The following RP9 variants were observed in gnomAD, a reference collection of about 807,000 sequenced individuals.
RP9 encodes RP9 pre-mRNA splicing factor.
RP9 carries 23 observed loss-of-function variants against 32.6 expected under a neutral mutation model. The ratio of observed to expected loss-of-function variants is 0.71; its 90% CI spans 0.51 to 1.00. RP9 has a LOEUF of 1.00. RP9 is among the 50% of genes least tolerant of loss of function. The pLI is 0.00. For missense variants in RP9, 245 were observed against 285.3 expected, an observed-to-expected ratio of 0.86 and a Z score of 1.02; for synonymous variants, 94 against 103.6, an observed-to-expected ratio of 0.91 and a Z score of 0.56.
At chr7:33,100,473 T>C in intron 2 of RP9, 58 bp downstream of exon 2, 1 of 1,369,584 alleles carries the variant, frequency 7.3e-7, no homozygotes, top group South Asian at 1.2e-5. Context: ...TCATAACAAG[T>C]TACTGAGTCT....
chr7:33,098,640 C>T (rs186926756), intron 3 of RP9, among the ~76,000 whole-genome samples: 3 of 152,232 alleles, frequency 2.0e-5, no homozygotes, highest in East Asian at 1.9e-4. Context: ...GAAGAAAAAC[C>T]GATAGATACT....
chr7:33,097,404 C>T lies in RP9; in HGVS notation c.314-42G>A, dbSNP rs143749608. The T allele has an allele frequency of 3.6e-4, 496 of 1,377,726 alleles. 3 individuals carry two copies. In the African/African-American group the frequency reaches 5.9e-3, roughly 16 times the overall value. 85.3% of individuals were successfully genotyped at this position (1,377,726 alleles called of 1,614,324 possible). On this transcript the variant is annotated intron_variant, in intron 3 of 5. Coordinates refer to ENST00000297157, the MANE Select transcript of RP9 (RefSeq NM_203288.2). Reference sequence around the variant, plus strand: ...AAATATTTCTGTAAGATAACAGTTTCACCTACTCAAGATAAAGAATCAGCA... The same window carrying T: ...AAATATTTCTGTAAGATAACAGTTTTACCTACTCAAGATAAAGAATCAGCA...
Position 33,095,386 on chromosome 7 carries a change from C to G in RP9, c.514G>C (p.Asp172His). Residue 172 changes from aspartate to histidine, a missense_variant, in exon 6 of 6, where the codon GAT becomes CAT. By Grantham distance (81) the Asp-to-His change is moderately conservative. Transcript: ENST00000297157. ...QLLEDSTSDE[D>H]RSSSSSSEGK... ...TCAGAGGAACTGGAGCTGCTCCTAT[C>G]TTCATCTGAGGTAGAATCCTCCAGT... 6.2e-7 allele frequency: 1 copy of G among 1,613,868 alleles called. No homozygotes were observed. Among genetic ancestry groups the G allele is most frequent in the Admixed American group, 1.7e-5 (1 of 60,006 alleles).
chr7:33,102,032 C>T (rs902004298), intron 1 of RP9, among the ~76,000 whole-genome samples: 1 of 152,002 alleles, frequency 6.6e-6, no homozygotes, highest in African/African-American at 2.4e-5. Context: ...GAATTGAGAT[C>T]CAAATTCTCA....
At chr7:33,096,808 C>G (rs1788342576) in intron 4 of RP9, among the ~76,000 whole-genome samples, 1 of 138,678 alleles carries the variant, frequency 7.2e-6, no homozygotes, top group Non-Finnish European at 1.5e-5. Flanking sequence ...CAGGAGCAAT[C>G]ACAGAGCTAT....
chr7:33,095,559 T>C (rs893419896), intron 5 of RP9, 127 bp from the exon 6 acceptor site: 23 of 1,483,358 alleles, frequency 1.6e-5, no homozygotes, highest in Middle Eastern at 2.4e-4. Flanking sequence ...ACAGTATTTT[T>C]ATTTTTACCT....
chr7:33,108,503 TC>T (rs1380227767), intron 1 of RP9, among the ~76,000 whole-genome samples: 1 of 152,246 alleles, frequency 6.6e-6, no homozygotes, highest in Non-Finnish European at 1.5e-5. Flanking sequence ...CTGCTTTTTT[TC>T]CTTTTGTTCT....
rs1434357161 is a variant in RP9 at position 33,097,350 on chromosome 7, T to G, written c.326A>C (p.Lys109Thr). Residue 109 changes from lysine (K) to threonine (T), a missense_variant, in exon 4 of 6, where the codon AAA becomes ACA. Lys to Thr is a moderately conservative substitution (Grantham distance 78). Around this residue, in one of 2 missense-constraint regions of RP9, gnomAD observed 182 missense variants for 175.5 expected, o/e 1.04. Transcript: ENST00000297157. Reference protein sequence around the residue: ...EVKVMQCWRCKRYGHRTGDKE... With the variant: ...EVKVMQCWRCTRYGHRTGDKE... Reference sequence around the variant, plus strand: ...GTCACCCGTTCGGTGACCATAGCGTTTGCAACGCCAACCTAAAAACGAAAA... The same window carrying G: ...GTCACCCGTTCGGTGACCATAGCGTGTGCAACGCCAACCTAAAAACGAAAA... 6.2e-7 allele frequency: 1 copy of G among 1,613,326 alleles called. No homozygotes were observed. The highest frequency in any genetic ancestry group is 1.1e-5 in the South Asian group (1 of 91,022).
chr7:33,099,517 G>C (rs375390754), intron 2 of RP9, 81 bp from the exon 3 acceptor site: 2 of 1,548,612 alleles, frequency 1.3e-6, no homozygotes, highest in African/African-American at 2.7e-5. Context: ...CCCTTGCCTG[G>C]CTTTTTCCTG....
intron 1 of RP9, 137 bp from the exon 2 acceptor site, chr7:33,100,698 A>C (rs764213982): frequency 5.3e-6 from 4 of 758,500 alleles, no homozygotes; most frequent in Non-Finnish European, 7.1e-6. Flanking sequence ...TTTGCAGACA[A>C]GCAATCACCT....
chr7:33,103,926 C>G (rs1202598086), intron 1 of RP9, among the ~76,000 whole-genome samples: 2 of 151,620 alleles, frequency 1.3e-5, no homozygotes, highest in Non-Finnish European at 2.9e-5. Flanking sequence ...AAAAAGCAAA[C>G]AAGAAATAGA....
chr7:33,098,995 G>C (rs1015383798), intron 3 of RP9: 1 of 442,752 alleles, frequency 2.3e-6, no homozygotes, highest in East Asian at 4.8e-5. Flanking sequence ...ACAAAATGCC[G>C]TATTCTGGGT....
At chr7:33,107,760 GT>G (rs1018428204) in intron 1 of RP9, among the ~76,000 whole-genome samples, 4 of 152,198 alleles carry the variant, frequency 2.6e-5, no homozygotes, top group African/African-American at 4.8e-5. Flanking sequence ...TATGAATTAT[GT>G]TTTTTAAAAG....
chr7:33,102,017 C>T (rs1176747799), intron 1 of RP9, among the ~76,000 whole-genome samples: 1 of 152,106 alleles, frequency 6.6e-6, no homozygotes, highest in East Asian at 1.9e-4. Context: ...AATATATGGC[C>T]AATCGAATTG....
chr7:33,098,888 G>A (rs902913764), intron 3 of RP9, among the ~76,000 whole-genome samples: 6 of 152,190 alleles, frequency 3.9e-5, no homozygotes, highest in African/African-American at 7.2e-5. Context: ...TGATAATAAA[G>A]AAGACTCAAG....
intron 1 of RP9, among the ~76,000 whole-genome samples, chr7:33,101,505 G>A (rs935235570): frequency 2.0e-5 from 3 of 152,048 alleles, no homozygotes; most frequent in African/African-American, 7.2e-5. Flanking sequence ...AGGAGGCTGA[G>A]GCAGAAGAAT....
intron 1 of RP9, among the ~76,000 whole-genome samples, chr7:33,102,431 C>T (rs1300893106): frequency 6.6e-6 from 1 of 151,956 alleles, no homozygotes; most frequent in African/African-American, 2.4e-5. Flanking sequence ...CCTGTCTTGG[C>T]CTCCCAAAGT....
At chr7:33,099,210 G>A (rs542843797) in intron 3 of RP9, 97 bp downstream of exon 3, 5 of 1,405,192 alleles carry the variant, frequency 3.6e-6, no homozygotes, top group Admixed American at 1.7e-5. Flanking sequence ...GGCTGTAAGA[G>A]GGCTGTGATG....
chr7:33,096,109 C>T (rs1583998558), intron 5 of RP9, among the ~76,000 whole-genome samples: 2 of 152,354 alleles, frequency 1.3e-5, no homozygotes, highest in East Asian at 1.9e-4. Flanking sequence ...GTTAGGATTA[C>T]AGGTGTGAGC....
Sources: gnomAD v4.1 joint callset for allele counts (sites outside exome capture counted in the v4.1 genomes callset) on GRCh38, gnomAD v4.1.1 for gene constraint, gnomAD v4.1.1 regional missense constraint, MANE v1.5 for transcripts, NCBI Gene and HGNC (gene_info 2026-07-23, HGNC 2026-07-21) for gene names.